KLHDC1: variants seen among roughly 807,000 people sequenced by gnomAD.
The protein encoded by KLHDC1 is kelch domain-containing protein 1.
In KLHDC1, 53 loss-of-function variants were observed where a neutral mutation model predicts 68.3. The observed-to-expected ratio is 0.78, with a 90% CI of 0.62 to 0.98. The LOEUF is 0.98. Among genes scored for constraint, KLHDC1 ranks in the 50% least tolerant of loss-of-function variants. The pLI is 0.00. For missense variants in KLHDC1, 470 were observed against 492.3 expected (o/e 0.95, Z 0.43); for synonymous variants, 148 against 159.0 (o/e 0.93, Z 0.52).
At chr14:49,739,972 T>TC in intron 10 of KLHDC1, 126 bp from the exon 11 acceptor site, 1 of 552,808 alleles carries the variant, frequency 1.8e-6, no homozygotes, top group South Asian at 3.0e-5. Context: ...TTCCAAAGGT[T>TC]CAAGTTCAAT....
chr14:49,693,748 C>CTTTTTTTTTTTT (rs1231129663), intron 1 of KLHDC1, among the ~76,000 whole-genome samples: 980 of 61,490 alleles, frequency 0.016, 289 homozygotes, highest in South Asian at 0.036. Context: ...TTTTCTTTTT[C>CTTTTTTTTTTTT]TTTTTTTTTT....
intron 4 of KLHDC1, among the ~76,000 whole-genome samples, chr14:49,715,959 C>T (rs1472738369): frequency 2.0e-5 from 3 of 152,004 alleles, no homozygotes; most frequent in Middle Eastern, 3.4e-3. Context: ...ATAAATCTTA[C>T]ATGGTTGTAA....
chr14:49,739,347 G>A (rs1345708966), intron 10 of KLHDC1, among the ~76,000 whole-genome samples: 1 of 152,178 alleles, frequency 6.6e-6, no homozygotes, highest in African/African-American at 2.4e-5. Flanking sequence ...ACAAATATTA[G>A]GCTAGGAAAA....
intron 1 of KLHDC1, among the ~76,000 whole-genome samples, chr14:49,701,520 G>A (rs528674693): frequency 2.3e-4 from 35 of 152,096 alleles, no homozygotes; most frequent in South Asian, 2.3e-3. Flanking sequence ...ATAGCTGGTC[G>A]TGGTGGTGCA....
intron 1 of KLHDC1, among the ~76,000 whole-genome samples, chr14:49,697,561 G>T (rs559271523): frequency 1.8e-4 from 27 of 152,326 alleles, no homozygotes; most frequent in African/African-American, 6.3e-4. Flanking sequence ...TCAATGCAGG[G>T]TTGCCACAAA....
chr14:49,736,691 C>A (rs754824229), intron 10 of KLHDC1, among the ~76,000 whole-genome samples: 14 of 152,318 alleles, frequency 9.2e-5, no homozygotes, highest in South Asian at 6.2e-4. Context: ...TCAACCTTGG[C>A]ATTACTGACA....
At chr14:49,709,391 C>T (rs1256814018) in intron 2 of KLHDC1, among the ~76,000 whole-genome samples, 162 bp downstream of exon 2, 2 of 152,114 alleles carry the variant, frequency 1.3e-5, no homozygotes, top group Non-Finnish European at 2.9e-5. Flanking sequence ...CTTTCATTCC[C>T]CTACTGTCTT....
intron 4 of KLHDC1, among the ~76,000 whole-genome samples, chr14:49,711,595 C>A (rs1011921869): frequency 6.6e-6 from 1 of 152,156 alleles, no homozygotes; most frequent in Non-Finnish European, 1.5e-5. Context: ...GCCTCAGTCT[C>A]CCAAAGTGCT....
chr14:49,693,766 A>G lies in KLHDC1; in HGVS notation c.96+476A>G, dbSNP rs375277127. ...TCTTTTTCTTTTTTTTTTTTTTTTG[A>G]GATGGAGTTTCGCTCTTGTTGCCCA... On this transcript the variant is annotated intron_variant, in intron 1 of 12. Coordinates refer to ENST00000359332, the MANE Select transcript of KLHDC1 (RefSeq NM_172193.3). Among the ~76,000 whole-genome samples, 6 of 14,802 alleles carry G rather than the reference A, an allele frequency of 4.1e-4. 2 individuals carry two copies. The highest frequency in any genetic ancestry group is 9.1e-4 in the African/African-American group (5 of 5,488). 9.7% of individuals were successfully genotyped at this position (14,802 alleles called of 152,430 possible).
chr14:49,744,705 T>G (rs1051804795), intron 12 of KLHDC1, among the ~76,000 whole-genome samples: 4 of 152,038 alleles, frequency 2.6e-5, no homozygotes, highest in Non-Finnish European at 5.9e-5. Flanking sequence ...CTGTATTGTT[T>G]AGGGAATAAT....
intron 4 of KLHDC1, among the ~76,000 whole-genome samples, chr14:49,715,189 C>A (rs1182575640): frequency 1.3e-5 from 2 of 149,856 alleles, no homozygotes; most frequent in Non-Finnish European, 3.0e-5. Flanking sequence ...GTGGCATGAT[C>A]TCGGCTCACT....
chr14:49,727,449 C>T (rs1888699915), intron 6 of KLHDC1, among the ~76,000 whole-genome samples: 1 of 152,058 alleles, frequency 6.6e-6, no homozygotes, highest in Non-Finnish European at 1.5e-5. Flanking sequence ...GTCGTATATG[C>T]ACAGTTACAT....
At chr14:49,710,984 A>AT (rs987293687) in intron 4 of KLHDC1, among the ~76,000 whole-genome samples, 9 of 147,498 alleles carry the variant, frequency 6.1e-5, no homozygotes, top group Non-Finnish European at 8.9e-5. Context: ...TTCTTTCCTA[A>AT]TTTTTTTTGT....
intron 1 of KLHDC1, among the ~76,000 whole-genome samples, chr14:49,702,629 A>G (rs1380130446): frequency 1.3e-5 from 2 of 152,170 alleles, no homozygotes; most frequent in Non-Finnish European, 2.9e-5. Context: ...TTATCCTCAT[A>G]AAATATAAGA....
chr14:49,750,349 T>C (rs1434498100), intron 12 of KLHDC1, among the ~76,000 whole-genome samples: 2 of 152,222 alleles, frequency 1.3e-5, no homozygotes, highest in African/African-American at 2.4e-5. Flanking sequence ...CCTTTGTTTC[T>C]TTAATTTGTT....
chr14:49,708,819 T>A (rs1359764155), intron 1 of KLHDC1: 1 of 156,204 alleles, frequency 6.4e-6, no homozygotes, highest in Non-Finnish European at 1.4e-5. Context: ...ATGATCTTTT[T>A]CTTCCTGGCT....
chr14:49,732,822 T>C lies in KLHDC1; in HGVS notation c.823+6T>C. 7.9e-7 allele frequency: 1 copy of C among 1,264,722 alleles called. No individual in the cohort carries two copies. The highest frequency in any genetic ancestry group is 1.2e-6 in the Non-Finnish European group (1 of 866,340). 78.3% of individuals were successfully genotyped at this position (1,264,722 alleles called of 1,614,324 possible). ...TGCAGATAATATCCCATTAAGTAAG[T>C]TGATTAAGGTTTAGCCTATAATTAT... On this transcript the variant is annotated splice_donor_region_variant and intron_variant, in intron 9 of 12. Coordinates refer to ENST00000359332, the MANE Select transcript of KLHDC1 (RefSeq NM_172193.3).
At chr14:49,724,047 A>C in intron 5 of KLHDC1, 95 bp downstream of exon 5, 1 of 693,220 alleles carries the variant, frequency 1.4e-6, no homozygotes, top group South Asian at 2.1e-5. Context: ...TTTTGGAGCT[A>C]CCAATTTGTC....
At chr14:49,722,514 A>G (rs921345827) in intron 4 of KLHDC1, among the ~76,000 whole-genome samples, 1 of 152,190 alleles carries the variant, frequency 6.6e-6, no homozygotes, top group Non-Finnish European at 1.5e-5. Context: ...TCAGTCTATC[A>G]TTGATGGACA....
Sources: allele counts gnomAD v4.1 joint callset (sites outside exome capture counted in the v4.1 genomes callset), GRCh38; gene constraint gnomAD v4.1.1; transcripts MANE v1.5; gene names NCBI Gene and HGNC (gene_info 2026-07-23, HGNC 2026-07-21).